Variants in NDUFAF6 observed in about 807,000 individuals in gnomAD.
NDUFAF6 encodes the protein NADH dehydrogenase (ubiquinone) complex I, assembly factor 6.
In NDUFAF6, 45 loss-of-function variants were observed where a neutral mutation model predicts 40.8. The observed-to-expected ratio is 1.10, with a 90% CI of 0.87 to 1.42. The LOEUF (loss-of-function observed/expected upper bound fraction) is 1.42. Among genes scored for constraint, NDUFAF6 ranks in the 40% most tolerant of loss-of-function variants. The pLI is 0.00. For synonymous variants in NDUFAF6, 185 were observed against 155.9 expected, an observed-to-expected ratio of 1.19 and a Z score of -1.39; for missense variants, 435 against 418.5, an observed-to-expected ratio of 1.04 and a Z score of -0.34.
intron 2 of NDUFAF6, among the ~76,000 whole-genome samples, chr8:95,000,616 A>G (rs963058427): frequency 3.3e-5 from 5 of 151,262 alleles, no homozygotes; most frequent in African/African-American, 9.8e-5. Flanking sequence ...TATATAAAAA[A>G]GTATAACATA....
chr8:94,966,249 T>G (rs1382415812), intron 1 of NDUFAF6, among the ~76,000 whole-genome samples: 1 of 152,124 alleles, frequency 6.6e-6, no homozygotes, highest in Non-Finnish European at 1.5e-5. Flanking sequence ...CCTGGGGACT[T>G]CACATGTAAG....
intron 9 of NDUFAF6, chr8:95,068,238 T>C (rs980325204): frequency 2.0e-5 from 3 of 151,972 alleles, no homozygotes; most frequent in African/African-American, 7.3e-5. Flanking sequence ...CATCTTCTTA[T>C]GCATGTTTAT....
chr8:95,064,190 T>G (rs1259906786), intron 9 of NDUFAF6, among the ~76,000 whole-genome samples: 6 of 151,958 alleles, frequency 3.9e-5, no homozygotes, highest in African/African-American at 1.2e-4. Flanking sequence ...GCACCCGGCC[T>G]CTTGTTGCAG....
chr8:95,032,171 A>G lies in NDUFAF6; in HGVS notation c.297+77A>G. The G allele has an allele frequency of 4.9e-6, 6 of 1,228,198 alleles. No individual in the cohort carries two copies. In the East Asian group the frequency reaches 7.0e-5, roughly 14 times the overall value. 76.1% of individuals were successfully genotyped at this position (1,228,198 alleles called of 1,614,324 possible). On this transcript the variant is annotated intron_variant, in intron 2 of 8. Coordinates refer to ENST00000396124, the MANE Select transcript of NDUFAF6 (RefSeq NM_152416.4). ...GTTTAATGCTGAACAATAAAGAAATATAGTTGTAATTTATATGTTAGATGT... is the reference window on the plus strand; with the variant it reads ...GTTTAATGCTGAACAATAAAGAAATGTAGTTGTAATTTATATGTTAGATGT...
intron 1 of NDUFAF6, among the ~76,000 whole-genome samples, chr8:94,967,958 G>A (rs1451139941): frequency 8.2e-6 from 1 of 121,432 alleles, no homozygotes; most frequent in African/African-American, 2.9e-5. Context: ...AAAAAAAAAA[G>A]TCAGCTGGGG....
At chr8:95,000,043 A>AT (rs35353243) in intron 2 of NDUFAF6, among the ~76,000 whole-genome samples, 15,774 of 148,898 alleles carry the variant, frequency 0.11, 994 homozygotes, top group Middle Eastern at 0.22. Context: ...GACAGGCTGT[A>AT]TTTTTTTTTT....
At chr8:95,014,935 C>T (rs1481992638) in intron 2 of NDUFAF6, among the ~76,000 whole-genome samples, 2 of 152,226 alleles carry the variant, frequency 1.3e-5, no homozygotes, top group Non-Finnish European at 2.9e-5. Flanking sequence ...TCTCTCTTCT[C>T]TACCATCTAT....
intron 2 of NDUFAF6, among the ~76,000 whole-genome samples, chr8:94,990,339 C>A (rs1374223737): frequency 6.6e-6 from 1 of 152,198 alleles, no homozygotes. Context: ...TCTCCATTCT[C>A]TATTTCTCTA....
chr8:95,066,652 T>A (rs1380558553), intron 9 of NDUFAF6, among the ~76,000 whole-genome samples: 1 of 152,192 alleles, frequency 6.6e-6, no homozygotes, highest in African/African-American at 2.4e-5. Context: ...TAAGGCATTT[T>A]CTCTTTTTGG....
At chr8:94,996,681 C>T (rs189560247) in intron 2 of NDUFAF6, among the ~76,000 whole-genome samples, 7 of 152,170 alleles carry the variant, frequency 4.6e-5, no homozygotes, top group East Asian at 1.9e-4. Flanking sequence ...ATTCATAAGT[C>T]GAAGTCTTAA....
chr8:95,070,228 T>A (rs571298675), intron 9 of NDUFAF6, among the ~76,000 whole-genome samples: 2 of 152,326 alleles, frequency 1.3e-5, no homozygotes, highest in East Asian at 3.9e-4. Flanking sequence ...AACCTCTCCG[T>A]GCCTTCATTT....
chr8:95,025,252 G>T, intron 1 of NDUFAF6, 47 bp downstream of exon 1: 1 of 1,350,408 alleles, frequency 7.4e-7, no homozygotes, highest in South Asian at 1.8e-5. Flanking sequence ...CGGGGTCCCG[G>T]GGTGGGAGCG....
intron 2 of NDUFAF6, among the ~76,000 whole-genome samples, chr8:95,008,602 G>A (rs1827100233): frequency 6.6e-6 from 1 of 152,288 alleles, no homozygotes; most frequent in Non-Finnish European, 1.5e-5. Flanking sequence ...CGCCTCCTGG[G>A]TTCAAACGAT....
At chr8:95,058,808 G>C (rs544706365), downstream of NDUFAF6, 1 of 976,762 alleles carries the variant, frequency 1.0e-6, no homozygotes, top group Non-Finnish European at 1.2e-6. Context: ...AAAAACCTGT[G>C]AAATGAGGCA....
intron 4 of NDUFAF6, among the ~76,000 whole-genome samples, chr8:95,109,289 A>G (rs901855941): frequency 2.0e-5 from 3 of 152,254 alleles, no homozygotes; most frequent in African/African-American, 7.2e-5. Context: ...TAACGTTTTT[A>G]GAATTCACAA....
intron 5 of NDUFAF6, chr8:95,115,751 TG>T: frequency 6.6e-6 from 1 of 152,358 alleles, no homozygotes; most frequent in Middle Eastern, 3.4e-3. Flanking sequence ...TCTTTTCAGT[TG>T]CTCCAAACAT....
downstream of NDUFAF6, among the ~76,000 whole-genome samples, chr8:95,117,603 T>C (rs552135220): frequency 6.6e-6 from 1 of 152,182 alleles, no homozygotes; most frequent in Non-Finnish European, 1.5e-5. Context: ...ATATTACCAG[T>C]GTTCACCAGT....
intron 2 of NDUFAF6, among the ~76,000 whole-genome samples, chr8:95,012,659 T>TAAATA (rs756095212): frequency 6.6e-6 from 1 of 151,234 alleles, no homozygotes; most frequent in Non-Finnish European, 1.5e-5. Context: ...AATAAATAAA[T>TAAATA]AAATAAATAA....
intron 1 of NDUFAF6, among the ~76,000 whole-genome samples, chr8:94,901,705 C>G (rs1179708158): frequency 6.6e-6 from 1 of 152,130 alleles, no homozygotes; most frequent in Non-Finnish European, 1.5e-5. Flanking sequence ...CCTCAGCCTC[C>G]CAAGTAGCTG....
Sources: allele counts gnomAD v4.1 joint callset (sites outside exome capture counted in the v4.1 genomes callset), GRCh38; gene constraint gnomAD v4.1.1; transcripts MANE v1.5; gene names NCBI Gene and HGNC (gene_info 2026-07-23, HGNC 2026-07-21).